The following WDFY4 variants were observed in gnomAD, a reference collection of about 807,000 sequenced individuals.
The protein encoded by WDFY4 is WDFY family member 4.
In WDFY4, 169 loss-of-function variants were observed where a neutral mutation model predicts 351.9. The observed-to-expected ratio is 0.48, with a 90% CI of 0.42 to 0.55. The LOEUF (loss-of-function observed/expected upper bound fraction) is 0.55, where lower values mean the gene tolerates loss of function less well. Ranked by LOEUF, WDFY4 falls within the 20% of genes least tolerant of loss-of-function variation. WDFY4 has a pLI of 0.00. For missense variants in WDFY4, 3,803 were observed against 3,935.6 expected (o/e 0.97, Z 0.90); for synonymous variants, 1,622 against 1,574.6 (o/e 1.03, Z -0.71).
At chr10:48,913,331 C>G in intron 47 of WDFY4, 17 of 1,513,110 alleles carry the variant, frequency 1.1e-5, no homozygotes, top group Non-Finnish European at 1.5e-5. Context: ...TGGAGGTAGC[C>G]CACTGCCCTC....
chr10:48,729,031 C>G (rs958051799), intron 7 of WDFY4, among the ~76,000 whole-genome samples: 1 of 152,234 alleles, frequency 6.6e-6, no homozygotes, highest in Non-Finnish European at 1.5e-5. Flanking sequence ...AAAAGCCACA[C>G]TCAACCTTTA....
At chr10:48,911,281 T>C (rs936785773) in intron 47 of WDFY4, among the ~76,000 whole-genome samples, 3 of 152,316 alleles carry the variant, frequency 2.0e-5, no homozygotes, top group Middle Eastern at 3.4e-3. Flanking sequence ...CAGTGCTTAG[T>C]GCTGGCAAGG....
chr10:48,712,636 G>T (rs912423580), intron 2 of WDFY4, among the ~76,000 whole-genome samples: 8 of 152,204 alleles, frequency 5.3e-5, no homozygotes, highest in African/African-American at 1.2e-4. Context: ...AAGAAAGGTG[G>T]GGAAGATGGG....
chr10:48,890,680 A>G lies in WDFY4; in HGVS notation c.7269A>G (p.Thr2423=), dbSNP rs2070658344. ...HQHFYICENF[T]LSPTGDVYCT... The stretch of plus-strand genomic sequence containing the variant: ...ACTTCTACATCTGCGAGAACTTCAC[A>G]CTGTCTCCCACGGGTGATGTCTACT... The change falls in exon 44 of 62, where the codon ACA becomes ACG. Residue 2423 remains threonine, a synonymous_variant. Coordinates refer to ENST00000325239, the MANE Select transcript of WDFY4 (RefSeq NM_001394531.1). 3 of 1,551,696 alleles carry G rather than the reference A, an allele frequency of 1.9e-6. No individual in the cohort carries two copies. Among genetic ancestry groups the G allele is most frequent in the Non-Finnish European group, 2.6e-6 (3 of 1,146,978 alleles).
At chr10:48,787,907 TTCTTCTTCTTCTTCTTCTTCTTC>T (rs2066507638) in intron 20 of WDFY4, among the ~76,000 whole-genome samples, 2 of 37,900 alleles carry the variant, frequency 5.3e-5, no homozygotes, top group African/African-American at 2.8e-4. Context: ...CTTCTTCTTC[TTCTTCTTCTTCTTCTTCTTCTTC>T]TTCTTCTTCT....
intron 12 of WDFY4, among the ~76,000 whole-genome samples, chr10:48,744,371 G>A (rs2064946962): frequency 6.6e-6 from 1 of 152,210 alleles, no homozygotes; most frequent in African/African-American, 2.4e-5. Flanking sequence ...AGAGAAGGAT[G>A]CATGTTAAAT....
chr10:48,836,155 G>A (rs1564402839), intron 39 of WDFY4, among the ~76,000 whole-genome samples: 1 of 152,012 alleles, frequency 6.6e-6, no homozygotes, highest in Non-Finnish European at 1.5e-5. Context: ...TTTGCCCTGG[G>A]GTCTGTTTAA....
chr10:48,972,711 C>A (rs1422578556), intron 57 of WDFY4, among the ~76,000 whole-genome samples: 1 of 152,116 alleles, frequency 6.6e-6, no homozygotes, highest in Non-Finnish European at 1.5e-5. Flanking sequence ...CGATAAACTT[C>A]GAGGAGGAGA....
chr10:48,723,767 C>G (rs2064170612), intron 5 of WDFY4, among the ~76,000 whole-genome samples, 200 bp downstream of exon 5: 1 of 152,056 alleles, frequency 6.6e-6, no homozygotes, highest in Non-Finnish European at 1.5e-5. Context: ...CCAAAATTTT[C>G]TAAATATAAG....
chr10:48,722,937 C>T (rs951237234), intron 4 of WDFY4, among the ~76,000 whole-genome samples: 1 of 152,174 alleles, frequency 6.6e-6, no homozygotes, highest in Non-Finnish European at 1.5e-5. Context: ...TGGACCTTGA[C>T]GAGATCTGTC....
At chr10:48,803,840 T>C (rs1376979632) in intron 25 of WDFY4, among the ~76,000 whole-genome samples, 1 of 152,206 alleles carries the variant, frequency 6.6e-6, no homozygotes, top group Non-Finnish European at 1.5e-5. Context: ...GATCTCATCC[T>C]GTAGCTGGGG....
intron 30 of WDFY4, among the ~76,000 whole-genome samples, chr10:48,811,983 A>G (rs2067462561): frequency 6.6e-6 from 1 of 151,984 alleles, no homozygotes. Context: ...CCTTTTGGGC[A>G]CAGCTAGGGG....
chr10:48,798,460 G>C (rs926067203), intron 24 of WDFY4, among the ~76,000 whole-genome samples: 4 of 152,168 alleles, frequency 2.6e-5, no homozygotes, highest in Non-Finnish European at 4.4e-5. Context: ...GAATACCACA[G>C]AAGAATGAGC....
intron 42 of WDFY4, among the ~76,000 whole-genome samples, chr10:48,875,936 A>G (rs1046080087): frequency 5.3e-5 from 8 of 152,266 alleles, no homozygotes; most frequent in Admixed American, 5.2e-4. Flanking sequence ...TACAACTCTC[A>G]CATGGAATGA....
rs780326609 is a variant in WDFY4 at position 48,897,466 on chromosome 10, G to A, written c.7329G>A (p.Pro2443=). 60 of 1,551,330 alleles carry A rather than the reference G, an allele frequency of 3.9e-5. No homozygotes were observed. In the Admixed American group the frequency reaches 7.5e-4, roughly 19 times the overall value. ...TRHCLSNISD[P]FIFNLCSKDR... ...GTTTCCTTTTCAGCATCAGCGATCC[G>A]TTCATTTTCAACCTGTGCAGCAAAG... is the stretch of plus-strand genomic sequence containing the variant. Residue 2443 remains proline, a synonymous_variant, in exon 45 of 62, where the codon CCG becomes CCA. Transcript: ENST00000325239.
intron 55 of WDFY4, chr10:48,968,319 ACT>A (rs1842178937): frequency 1.3e-5 from 2 of 151,988 alleles, no homozygotes; most frequent in Admixed American, 6.6e-5. Context: ...GCCTGGCTTT[ACT>A]CTCTCCCTTT....
At chr10:48,757,786 A>G (rs2065380661) in intron 12 of WDFY4, among the ~76,000 whole-genome samples, 1 of 151,476 alleles carries the variant, frequency 6.6e-6, no homozygotes, top group Admixed American at 6.6e-5. Context: ...AGTGCTTTCA[A>G]TAGGGACTGC....
chr10:48,798,945 T>G (rs2066964047), intron 24 of WDFY4, among the ~76,000 whole-genome samples: 1 of 152,182 alleles, frequency 6.6e-6, no homozygotes, highest in African/African-American at 2.4e-5. Flanking sequence ...ATGGGCTCCC[T>G]GTGCACAAGG....
chr10:48,723,798 CA>C (rs2064171850), intron 5 of WDFY4, among the ~76,000 whole-genome samples: 1 of 152,102 alleles, frequency 6.6e-6, no homozygotes, highest in African/African-American at 2.4e-5. Flanking sequence ...ACCCCTGTGC[CA>C]TGGCCTCACA....
Sources: gnomAD v4.1 joint callset for allele counts (sites outside exome capture counted in the v4.1 genomes callset) on GRCh38, gnomAD v4.1.1 for gene constraint, MANE v1.5 for transcripts, NCBI Gene and HGNC (gene_info 2026-07-23, HGNC 2026-07-21) for gene names.